HMCN2: variants seen among roughly 807,000 people sequenced by gnomAD.
The protein encoded by HMCN2 is hemicentin 2, also known as hemicentin-2.
In HMCN2, 325 loss-of-function variants were observed where a neutral mutation model predicts 377.5. The observed-to-expected ratio is 0.86, with a 90% CI of 0.79 to 0.94. The LOEUF (loss-of-function observed/expected upper bound fraction) is 0.94. HMCN2 is among the 40% of genes least tolerant of loss of function. The pLI is 0.00. For synonymous variants in HMCN2, 2,007 were observed against 2,046.8 expected, an observed-to-expected ratio of 0.98 and a Z score of 0.53; for missense variants, 4,543 against 4,725.3, an observed-to-expected ratio of 0.96 and a Z score of 1.13.
rs782746860 is a variant in HMCN2 at position 130,308,980 on chromosome 9, G to A, written c.2201-932G>A. On this transcript the variant is annotated intron_variant, in intron 14 of 97. Transcript: ENST00000683500. This position sits in a 1 kb window ranked among gnomAD's most constrained non-coding sequence, Gnocchi z 4.1. The stretch of plus-strand genomic sequence containing the variant: ...GGAGTTAGTGTTGAATAGGTATGGA[G>A]TTTCTGTTTGGGGAGATGCAAACAG... Among the ~76,000 whole-genome samples the A allele has an allele frequency of 1.3e-5, 2 of 152,252 alleles. No homozygotes were observed. The highest frequency in any genetic ancestry group is 6.5e-5 in the Admixed American group (1 of 15,286).
At position 130,378,082 on chromosome 9, in the gene HMCN2, C is replaced by T. The variant is rs967395124; in HGVS notation, c.8212+283C>T. Among the ~76,000 whole-genome samples, 11 of 152,236 alleles carry T rather than the reference C, an allele frequency of 7.2e-5. No homozygotes were observed. The East Asian group carries it at 1.8e-3, about 24-fold the overall frequency. On this transcript the variant is annotated intron_variant, in intron 53 of 97. Coordinates refer to ENST00000683500, the MANE Select transcript of HMCN2 (RefSeq NM_001291815.2). ...AACGCCACACTCTTAGCCCCTCTGCCAGATGCCTCTCGCGTTGTTAGGGAA... is the reference window on the plus strand; with the variant it reads ...AACGCCACACTCTTAGCCCCTCTGCTAGATGCCTCTCGCGTTGTTAGGGAA...
chr9:130,408,653 C>T, intron 83 of HMCN2, 90 bp from the exon 84 acceptor site: 3 of 930,570 alleles, frequency 3.2e-6, no homozygotes, highest in Non-Finnish European at 4.3e-6. Context: ...CCCCTGGAGG[C>T]AGGAGTTGGG....
chr9:130,384,849 C>T (rs542294629), intron 59 of HMCN2, 51 bp downstream of exon 59: 55 of 1,166,466 alleles, frequency 4.7e-5, no homozygotes, highest in Non-Finnish European at 5.9e-5. Context: ...CTTCAGTCAC[C>T]CCTCAGCCCA....
intron 54 of HMCN2, among the ~76,000 whole-genome samples, chr9:130,380,364 CTGTT>C (rs894814194): frequency 6.6e-5 from 10 of 152,170 alleles, no homozygotes; most frequent in African/African-American, 2.4e-4. Flanking sequence ...GGTGGTCTCT[CTGTT>C]TGAGATTCGA....
chr9:130,267,890 C>T (rs782156320), intron 1 of HMCN2, among the ~76,000 whole-genome samples: 7 of 152,204 alleles, frequency 4.6e-5, no homozygotes, highest in South Asian at 2.1e-4. Context: ...GGTCACCCTC[C>T]GTCTCCCCAG....
At position 130,270,275 on chromosome 9, in the gene HMCN2, T is replaced by G. The variant is rs190573656; in HGVS notation, c.259+4138T>G. On this transcript the variant is annotated intron_variant, in intron 1 of 97. Coordinates refer to ENST00000683500, the MANE Select transcript of HMCN2 (RefSeq NM_001291815.2). ...TCACTTAGGTGCTTATAAAGGTTTT[T>G]TTTGTTTGTTTGTTTGTTTGTTTTT... 9.2e-4 allele frequency among the ~76,000 whole-genome samples: 121 copies of G among 131,642 alleles called. 16 individuals are homozygous for G. The highest frequency in any genetic ancestry group is 1.2e-3 in the Non-Finnish European group (74 of 60,310). The allele number at this position is 131,642 out of a possible 152,430, so 86.4% of individuals were successfully genotyped here.
intron 22 of HMCN2, among the ~76,000 whole-genome samples, chr9:130,335,429 T>C (rs1484742574): frequency 6.6e-6 from 1 of 152,112 alleles, no homozygotes; most frequent in Non-Finnish European, 1.5e-5. Flanking sequence ...CCAGGACACA[T>C]ACATATTTCT....
chr9:130,281,032 G>C (rs993295631), intron 1 of HMCN2, among the ~76,000 whole-genome samples: 34 of 152,170 alleles, frequency 2.2e-4, no homozygotes, highest in Non-Finnish European at 4.0e-4. Context: ...GAACTCGGGA[G>C]GCAGAGGTTG....
chr9:130,278,379 C>A (rs1220789957), intron 1 of HMCN2, among the ~76,000 whole-genome samples: 1 of 151,898 alleles, frequency 6.6e-6, no homozygotes, highest in African/African-American at 2.4e-5. Context: ...CCGTCTCGGC[C>A]TCCCAAAGTG....
intron 22 of HMCN2, among the ~76,000 whole-genome samples, chr9:130,336,534 T>G (rs1408994695): frequency 6.6e-6 from 1 of 152,146 alleles, no homozygotes; most frequent in East Asian, 1.9e-4. Flanking sequence ...TGAGGTGACT[T>G]GCCCAACCTC....
chr9:130,327,847 C>T lies in HMCN2; in HGVS notation c.3359+372C>T, dbSNP rs1020110671. Among the ~76,000 whole-genome samples, 13 of 152,332 alleles carry T rather than the reference C, an allele frequency of 8.5e-5. No homozygotes were observed. The East Asian group carries it at 1.2e-3, about 14-fold the overall frequency. On this transcript the variant is annotated intron_variant, in intron 22 of 97. Coordinates refer to ENST00000683500, the MANE Select transcript of HMCN2 (RefSeq NM_001291815.2). The stretch of plus-strand genomic sequence containing the variant: ...AAAGCCAGGGCTGGGACCACGTCCC[C>T]GCCACGACACACACCACCCCCATGC...
intron 23 of HMCN2, among the ~76,000 whole-genome samples, chr9:130,340,287 T>G (rs934315964): frequency 3.3e-5 from 5 of 152,230 alleles, no homozygotes; most frequent in Non-Finnish European, 7.3e-5. Context: ...CCGGGCTCTA[T>G]GCTGGCTGCT....
At chr9:130,370,468 C>A (rs1840955725) in intron 45 of HMCN2, among the ~76,000 whole-genome samples, 1 of 152,124 alleles carries the variant, frequency 6.6e-6, no homozygotes, top group Admixed American at 6.5e-5. Context: ...GGAGGGCGCC[C>A]CTCACTGTTG....
intron 31 of HMCN2, among the ~76,000 whole-genome samples, chr9:130,354,324 A>G (rs900596812): frequency 3.9e-5 from 6 of 152,024 alleles, no homozygotes; most frequent in Non-Finnish European, 8.8e-5. Flanking sequence ...GAGCCCCCCA[A>G]TCCAAGCCAT....
chr9:130,411,598 C>CAAAAAAAA (rs35719589), intron 85 of HMCN2, among the ~76,000 whole-genome samples: 6 of 97,736 alleles, frequency 6.1e-5, no homozygotes, highest in East Asian at 2.8e-4. Context: ...GACTCAATCT[C>CAAAAAAAA]AAAAAAAAAA....
chr9:130,267,748 G>A (rs782059048), intron 1 of HMCN2, among the ~76,000 whole-genome samples: 22 of 152,262 alleles, frequency 1.4e-4, no homozygotes, highest in South Asian at 4.1e-4. Context: ...AAGCTCAGAA[G>A]CCAAGGCTCT....
Position 130,384,130 on chromosome 9 carries a change from A to T in HMCN2, c.8831-243A>T, listed in dbSNP as rs373056978. ...AGGTCATGGGCTCAAACCTGAATTGATATCTTAGCTCTGCCACTGACCAGC... is the reference window on the plus strand; with the variant it reads ...AGGTCATGGGCTCAAACCTGAATTGTTATCTTAGCTCTGCCACTGACCAGC... On this transcript the variant is annotated intron_variant, in intron 57 of 97. Transcript: ENST00000683500. 1.4e-4 allele frequency among the ~76,000 whole-genome samples: 21 copies of T among 152,292 alleles called. No homozygotes were observed. In the South Asian group the frequency reaches 3.7e-3, roughly 27 times the overall value.
chr9:130,303,460 G>A lies in HMCN2; in HGVS notation c.1422-27G>A. 2.3e-6 allele frequency: 1 copy of A among 434,144 alleles called. No homozygotes were observed. The highest frequency in any genetic ancestry group is 4.9e-6 in the Non-Finnish European group (1 of 206,120). The allele number at this position is 434,144 out of a possible 1,614,324, so 26.9% of individuals were successfully genotyped here. A position where few individuals can be genotyped will look rare whatever the true frequency, so the allele number is the denominator to read the frequency against. ...CCTGAGTGGGGGTCAGTGTGATTGTGTGTCTCCCACTGTTCCCTGTTTGCA... is the reference window on the plus strand; with the variant it reads ...CCTGAGTGGGGGTCAGTGTGATTGTATGTCTCCCACTGTTCCCTGTTTGCA... On this transcript the variant is annotated intron_variant, in intron 9 of 97. Coordinates refer to ENST00000683500, the MANE Select transcript of HMCN2 (RefSeq NM_001291815.2). The surrounding 1 kb of genome is among the most constrained non-coding windows in gnomAD (Gnocchi z 5.2).
At chr9:130,295,880 G>C in intron 6 of HMCN2, 108 bp downstream of exon 6, 1 of 413,260 alleles carries the variant, frequency 2.4e-6, no homozygotes, top group Non-Finnish European at 5.0e-6. Context: ...CTGATGGCTA[G>C]AGTGTGGGTG....
Sources: gnomAD v4.1 joint callset for allele counts (sites outside exome capture counted in the v4.1 genomes callset) on GRCh38, gnomAD v4.1.1 for gene constraint, Gnocchi (gnomAD v3.1) non-coding constraint, MANE v1.5 for transcripts, NCBI Gene and HGNC (gene_info 2026-07-23, HGNC 2026-07-21) for gene names.